Variants in HNRNPLL observed in about 807,000 individuals in gnomAD.
HNRNPLL encodes heterogeneous nuclear ribonucleoprotein L-like.
In HNRNPLL, 25 loss-of-function variants were observed where a neutral mutation model predicts 67.1. That is an observed-to-expected ratio of 0.37 (90% CI 0.27 to 0.52). The LOEUF is 0.52. Among genes scored for constraint, HNRNPLL ranks in the 20% least tolerant of loss-of-function variants. The pLI, the probability that HNRNPLL is intolerant of heterozygous loss-of-function variation, is 0.90. For missense variants in HNRNPLL, 542 were observed against 673.9 expected, an observed-to-expected ratio of 0.80 and a Z score of 2.17; for synonymous variants, 267 against 241.7, an observed-to-expected ratio of 1.10 and a Z score of -0.97.
chr2:38,571,871 T>C (rs1666098155), intron 8 of HNRNPLL, among the ~76,000 whole-genome samples: 1 of 152,168 alleles, frequency 6.6e-6, no homozygotes, highest in South Asian at 2.1e-4. Flanking sequence ...AAAATCTAAG[T>C]TTTATTAGAA....
chr2:38,583,387 TTA>T, intron 4 of HNRNPLL, among the ~76,000 whole-genome samples: 1 of 152,278 alleles, frequency 6.6e-6, no homozygotes, highest in East Asian at 1.9e-4. Context: ...GGAAAGTGTA[TTA>T]TCTATACTAT....
intron 8 of HNRNPLL, 145 bp downstream of exon 8, chr2:38,573,065 C>G (rs551668250): frequency 2.9e-4 from 179 of 622,364 alleles, no homozygotes; most frequent in Non-Finnish European, 4.0e-4. Flanking sequence ...TCCAGAGTTC[C>G]TATATAATAG....
In HNRNPLL at chr2:38,581,145, A is replaced by G. The variant is rs897442711; in HGVS notation, c.802+768T>C. ...GCATTATCAATTCCCAAGACCTGTT[A>G]ATAAACTGGTCCTGGTTATTTGCCA... On this transcript the variant is annotated intron_variant, in intron 6 of 12. Transcript: ENST00000449105. The G allele has an allele frequency of 5.9e-5, 9 of 152,246 alleles. No homozygotes were observed. The East Asian group carries it at 1.7e-3, about 29-fold the overall frequency. The allele number at this position is 152,246 out of a possible 1,614,324, so 9.4% of individuals were successfully genotyped here. A position where few individuals can be genotyped will look rare whatever the true frequency, so the allele number is the denominator to read the frequency against.
intron 8 of HNRNPLL, among the ~76,000 whole-genome samples, chr2:38,571,776 C>T (rs556425671): frequency 1.3e-5 from 2 of 152,160 alleles, no homozygotes; most frequent in African/African-American, 2.4e-5. Context: ...CTGAGTTCAA[C>T]GTATCATAGC....
chr2:38,564,244 A>G lies in HNRNPLL; in HGVS notation c.1574-7T>C. 6.6e-7 allele frequency: 1 copy of G among 1,509,218 alleles called. No homozygotes were observed. Among genetic ancestry groups the G allele is most frequent in the South Asian group, 1.1e-5 (1 of 87,488 alleles). 93.5% of individuals were successfully genotyped at this position (1,509,218 alleles called of 1,614,324 possible). A position where few individuals can be genotyped will look rare whatever the true frequency, so the allele number is the denominator to read the frequency against. ...GTATAGGGATTGGAACCATCTGTAA[A>G]AAGTAAAAAACAGTTAATATTTCAC... On this transcript the variant is annotated splice_region_variant and splice_polypyrimidine_tract_variant and intron_variant, in intron 12 of 12. Transcript: ENST00000449105.
In HNRNPLL at chr2:38,563,624, G is replaced by A. The variant is rs1400631994; in HGVS notation, c.*558C>T. On this transcript the variant is annotated 3_prime_UTR_variant, in exon 13 of 13. Transcript: ENST00000449105. ...ATTTAAATAAGTTTGAATGCATACT[G>A]TACACGTGTATCCATGTCTGTTAGC... is the stretch of plus-strand genomic sequence containing the variant. 1.3e-5 allele frequency: 2 copies of A among 152,294 alleles called. No individual in the cohort carries two copies. The highest frequency in any genetic ancestry group is 2.9e-5 in the Non-Finnish European group (2 of 68,182). 9.4% of individuals were successfully genotyped at this position (152,294 alleles called of 1,614,324 possible). A position where few individuals can be genotyped will look rare whatever the true frequency, so the allele number is the denominator to read the frequency against.
chr2:38,569,987 T>G, intron 8 of HNRNPLL, 62 bp from the exon 9 acceptor site: 1 of 1,159,452 alleles, frequency 8.6e-7, no homozygotes, highest in Non-Finnish European at 1.2e-6. Flanking sequence ...AAAGAAATTT[T>G]AAAACACAAT....
At chr2:38,578,906 T>C (rs1211557980) in intron 6 of HNRNPLL, among the ~76,000 whole-genome samples, 1 of 152,112 alleles carries the variant, frequency 6.6e-6, no homozygotes, top group Non-Finnish European at 1.5e-5. Context: ...CAAAGTCATT[T>C]CTTCTTCAAT....
intron 4 of HNRNPLL, among the ~76,000 whole-genome samples, 181 bp from the exon 5 acceptor site, chr2:38,582,349 T>C (rs891902211): frequency 6.6e-6 from 1 of 152,162 alleles, no homozygotes; most frequent in Non-Finnish European, 1.5e-5. Flanking sequence ...GGAGTCTTGC[T>C]CTATCACCAG....
At chr2:38,591,077 T>C (rs1666943060) in intron 2 of HNRNPLL, among the ~76,000 whole-genome samples, 1 of 152,156 alleles carries the variant, frequency 6.6e-6, no homozygotes, top group Non-Finnish European at 1.5e-5. Context: ...AAACAAATAA[T>C]GCCTACCCTT....
At chr2:38,595,271 C>CT (rs1391566407) in intron 1 of HNRNPLL, among the ~76,000 whole-genome samples, 5 of 71,286 alleles carry the variant, frequency 7.0e-5, no homozygotes, top group Admixed American at 3.9e-4. Flanking sequence ...AAGACCTTGT[C>CT]TAAAAAAAAA....
chr2:38,599,805 T>TA (rs1667351086), intron 1 of HNRNPLL: 2 of 451,618 alleles, frequency 4.4e-6, no homozygotes, highest in Non-Finnish European at 9.1e-6. Flanking sequence ...AGGTTAATCA[T>TA]AAAAAACCAA....
chr2:38,591,490 CCA>C (rs760556916), intron 2 of HNRNPLL, 38 bp downstream of exon 2: 39 of 1,016,032 alleles, frequency 3.8e-5, no homozygotes, highest in African/African-American at 2.2e-4. Flanking sequence ...GATTATTCTA[CCA>C]CAGTTTTCAA....
chr2:38,596,072 A>G (rs985490643), intron 1 of HNRNPLL, among the ~76,000 whole-genome samples: 1 of 151,836 alleles, frequency 6.6e-6, no homozygotes, highest in African/African-American at 2.4e-5. Flanking sequence ...GTAGTGATAA[A>G]AAAAAAAAAC....
In HNRNPLL at chr2:38,572,884, C is replaced by A. The variant is rs149237483; in HGVS notation, c.1092+326G>T. ...CCATGAAAGTAACTGCTCTTTCAAC[C>A]TGTTAAACGCTAGAATCACTTTGAA... On this transcript the variant is annotated intron_variant, in intron 8 of 12. Coordinates refer to ENST00000449105, the MANE Select transcript of HNRNPLL (RefSeq NM_138394.4). Among the ~76,000 whole-genome samples the A allele has an allele frequency of 4.7e-4, 71 of 152,092 alleles. 4 individuals carry two copies. In the East Asian group the frequency reaches 0.013, roughly 29 times the overall value.
chr2:38,575,959 A>G (rs1330458340), intron 7 of HNRNPLL, among the ~76,000 whole-genome samples: 2 of 151,808 alleles, frequency 1.3e-5, no homozygotes, highest in Non-Finnish European at 3.0e-5. Flanking sequence ...CTCAGATTAA[A>G]TATCTTAATG....
intron 12 of HNRNPLL, among the ~76,000 whole-genome samples, chr2:38,567,458 GA>G (rs926573642): frequency 1.3e-5 from 2 of 151,918 alleles, no homozygotes; most frequent in Admixed American, 6.6e-5. Flanking sequence ...CACTAGGGAA[GA>G]AAAAAAGAAC....
At chr2:38,596,891 T>G (rs759074530) in intron 1 of HNRNPLL, among the ~76,000 whole-genome samples, 6 of 152,332 alleles carry the variant, frequency 3.9e-5, no homozygotes, top group Non-Finnish European at 7.4e-5. Context: ...TAATCTCTTC[T>G]TTAGGTTAAT....
intron 3 of HNRNPLL, among the ~76,000 whole-genome samples, chr2:38,584,241 T>C (rs932948582): frequency 1.7e-4 from 26 of 152,272 alleles, no homozygotes; most frequent in African/African-American, 6.0e-4. Flanking sequence ...TTTTCGTTTT[T>C]TGTAGAGACA....
Sources: gnomAD v4.1 joint callset for allele counts (sites outside exome capture counted in the v4.1 genomes callset) on GRCh38, gnomAD v4.1.1 for gene constraint, MANE v1.5 for transcripts, NCBI Gene and HGNC (gene_info 2026-07-23, HGNC 2026-07-21) for gene names.